Variants in SLC44A2 observed in about 807,000 individuals in gnomAD.
SLC44A2 encodes choline transporter-like protein 2.
A neutral mutation model predicts 90.8 loss-of-function variants in SLC44A2; 57 were observed. The ratio of observed to expected loss-of-function variants is 0.63; its 90% CI spans 0.51 to 0.78. The LOEUF is 0.78. SLC44A2 is among the 30% of genes least tolerant of loss of function. The pLI is 0.00. For synonymous variants in SLC44A2, 355 were observed against 360.7 expected (o/e 0.98, Z 0.18); for missense variants, 794 against 919.7 (o/e 0.86, Z 1.77).
chr19:10,644,467 T>G lies in SLC44A2; in HGVS notation c.*1082T>G, dbSNP rs2067148256. On this transcript the variant is annotated 3_prime_UTR_variant, in exon 22 of 22. Transcript: ENST00000335757. ...AAAGAGGGGGGGGTCTCCCGTTTCC[T>G]GTGCCTGCACCAGCCCTGCCCCCAT... is the stretch of plus-strand genomic sequence containing the variant. 6.5e-6 allele frequency: 1 copy of G among 153,394 alleles called. No individual in the cohort carries two copies. 9.5% of individuals were successfully genotyped at this position (153,394 alleles called of 1,614,324 possible). A position where few individuals can be genotyped will look rare whatever the true frequency, so the allele number is the denominator to read the frequency against.
Position 10,628,005 on chromosome 19 carries a change from G to A in SLC44A2, c.245+1G>A, listed in dbSNP as rs1439734386. On this transcript the variant is annotated splice_donor_variant, in intron 4 of 21. Transcript: ENST00000335757. LOFTEE classifies it high-confidence loss of function. ...GCGGGCAGAAGGGCACAAAAAACGA[G>A]TGAGTTGACTCCTTGCGGCCTGGTG... 2 of 1,612,548 alleles carry A rather than the reference G, an allele frequency of 1.2e-6. No homozygotes were observed. The highest frequency in any genetic ancestry group is 1.7e-6 in the Non-Finnish European group (2 of 1,179,204).
intron 4 of SLC44A2, among the ~76,000 whole-genome samples, chr19:10,628,477 G>A (rs1420320241): frequency 1.3e-5 from 2 of 151,862 alleles, no homozygotes; most frequent in African/African-American, 4.8e-5. Flanking sequence ...AGCTTGAGCT[G>A]GGAGGCCAAG....
At chr19:10,602,665 A>G in intron 1 of SLC44A2, 1 of 1,089,280 alleles carries the variant, frequency 9.2e-7, no homozygotes. Context: ...CTGCGGCTGG[A>G]TGGCCCTCCG....
At chr19:10,633,151 T>G (rs1877781290) in intron 10 of SLC44A2, among the ~76,000 whole-genome samples, 1 of 151,896 alleles carries the variant, frequency 6.6e-6, no homozygotes, top group Non-Finnish European at 1.5e-5. Flanking sequence ...GGATTTTTGT[T>G]GTTTTTGAGT....
In SLC44A2 at chr19:10,635,441, A is replaced by G. The variant is rs1254450587; in HGVS notation, c.1159A>G (p.Thr387Ala). The G allele has an allele frequency of 1.2e-6, 2 of 1,614,006 alleles. No homozygotes were observed. Among genetic ancestry groups the G allele is most frequent in the Admixed American group, 1.7e-5 (1 of 59,968 alleles). The change falls in exon 14 of 22, where the codon ACT becomes GCT. Residue 387 changes from threonine to alanine, a missense_variant. Physicochemically the swap from Thr to Ala is moderately conservative, Grantham distance 58. Transcript: ENST00000335757. ...YWASTAVFLSTSNEAVYKIFD... is the reference protein window; with the variant it reads ...YWASTAVFLSASNEAVYKIFD... ...TTAACGAACCTCCAGCTTCCTGTCC[A>G]CTTCCAACGAAGCGGTCTATAAGAT...
rs759275912 is a variant in SLC44A2 at position 10,635,448 on chromosome 19, A to G, written c.1166A>G (p.Asn389Ser). ...ASTAVFLSTS[N>S]EAVYKIFDDS... ...ACCTCCAGCTTCCTGTCCACTTCCAACGAAGCGGTCTATAAGATCTTTGAT... is the reference window on the plus strand; with the variant it reads ...ACCTCCAGCTTCCTGTCCACTTCCAGCGAAGCGGTCTATAAGATCTTTGAT... Residue 389 changes from asparagine to serine, a missense_variant, in exon 14 of 22, where the codon AAC (asparagine) becomes AGC (serine). Coordinates refer to ENST00000335757, the MANE Select transcript of SLC44A2 (RefSeq NM_020428.4). The G allele has an allele frequency of 2.4e-5, 39 of 1,613,932 alleles. No individual in the cohort carries two copies. Among genetic ancestry groups the G allele is most frequent in the East Asian group, 1.3e-4 (6 of 44,892 alleles).
intron 10 of SLC44A2, among the ~76,000 whole-genome samples, chr19:10,632,682 T>G (rs929827640): frequency 7.9e-5 from 12 of 151,976 alleles, no homozygotes; most frequent in Non-Finnish European, 2.9e-5. Context: ...TCTTTCTTTT[T>G]TTTTTTTGAG....
At chr19:10,621,973 G>A (rs1568446370), upstream of SLC44A2, among the ~76,000 whole-genome samples, 2 of 152,164 alleles carry the variant, frequency 1.3e-5, no homozygotes, top group Non-Finnish European at 2.9e-5. Flanking sequence ...TGTTGCCCAG[G>A]CTGGTCTCGA....
At position 10,632,168 on chromosome 19, in the gene SLC44A2, C is replaced by A. The variant is rs762500761; in HGVS notation, c.823+12C>A. On this transcript the variant is annotated intron_variant, in intron 10 of 21. Transcript: ENST00000335757. ...GGTGCTGGGCTACGGTGCGTCACCC[C>A]CTCCCTGTGGCTTCTCTTTCCTGAA... The A allele has an allele frequency of 1.9e-6, 3 of 1,600,544 alleles. No homozygotes were observed. The highest frequency in any genetic ancestry group is 2.6e-6 in the Non-Finnish European group (3 of 1,167,906).
intron 1 of SLC44A2, among the ~76,000 whole-genome samples, chr19:10,613,876 G>C (rs958249869): frequency 6.6e-6 from 1 of 152,144 alleles, no homozygotes; most frequent in Non-Finnish European, 1.5e-5. Context: ...AAACAGCCCT[G>C]CCTACACATC....
upstream of SLC44A2, among the ~76,000 whole-genome samples, chr19:10,622,061 C>G (rs1307582040): frequency 6.6e-6 from 1 of 152,230 alleles, no homozygotes; most frequent in Non-Finnish European, 1.5e-5. Flanking sequence ...CACGCCTTGC[C>G]AAGGTGATAT....
Position 10,643,322 on chromosome 19 carries a change from C to T in SLC44A2, c.2058C>T (p.Tyr686=). 1 of 1,612,348 alleles carries T rather than the reference C, an allele frequency of 6.2e-7. No homozygotes were observed. The highest frequency in any genetic ancestry group is 1.1e-5 in the South Asian group (1 of 90,732). ...ERNDGSAERP[Y]FMSSTLKKLL... is the part of the protein sequence containing the mutation. Reference sequence around the variant, plus strand: ...ATGACGGCTCGGCCGAGAGGCCTTACTTCATGTCTTCCACCCTCAAGAAAC... The same window carrying T: ...ATGACGGCTCGGCCGAGAGGCCTTATTTCATGTCTTCCACCCTCAAGAAAC... The change falls in exon 22 of 22, where the codon TAC becomes TAT. Residue 686 remains tyrosine (Y), a synonymous_variant. Transcript: ENST00000335757.
At chr19:10,604,483 C>G (rs993774844) in intron 1 of SLC44A2, among the ~76,000 whole-genome samples, 3 of 152,164 alleles carry the variant, frequency 2.0e-5, no homozygotes, top group African/African-American at 7.2e-5. Flanking sequence ...CATGACGTCC[C>G]TGATAGATGA....
Position 10,634,871 on chromosome 19 carries a change from G to A in SLC44A2, c.939G>A (p.Gln313=). 6.2e-7 allele frequency: 1 copy of A among 1,614,196 alleles called. No homozygotes were observed. Among genetic ancestry groups the A allele is most frequent in the Non-Finnish European group, 8.5e-7 (1 of 1,180,036 alleles). ...TDFRVYLHLR[Q]TWLAFMIILS... ...TCCGGGTGTACCTGCACTTACGGCA[G>A]ACCTGGTTGGCCTTTAGTGAGTCAC... The change falls in exon 11 of 22, where the codon CAG becomes CAA. Residue 313 remains glutamine, a synonymous_variant. Transcript: ENST00000335757.
chr19:10,635,758 AT>A (rs2067047801), intron 14 of SLC44A2: 4 of 337,964 alleles, frequency 1.2e-5, no homozygotes, highest in East Asian at 5.1e-5. Context: ...TAAATCACCC[AT>A]TTTTCCCTAC....
chr19:10,632,419 C>T (rs947479901), intron 10 of SLC44A2, among the ~76,000 whole-genome samples: 2 of 151,324 alleles, frequency 1.3e-5, no homozygotes, highest in Admixed American at 6.6e-5. Flanking sequence ...GCCTGTAATC[C>T]CAGCTACTCA....
In SLC44A2 at chr19:10,636,600, C is replaced by T. The variant is rs1409230626; in HGVS notation, c.1496+15C>T. On this transcript the variant is annotated intron_variant, in intron 15 of 21. Transcript: ENST00000335757. ...CGGGCGCTCAGGTGGGCTGGCGTTG[C>T]AGGCAGGATGGGGTGGAGGACGAGG... The T allele has an allele frequency of 6.2e-7, 1 of 1,603,696 alleles. No homozygotes were observed. The highest frequency in any genetic ancestry group is 1.1e-5 in the South Asian group (1 of 90,730).
Position 10,637,705 on chromosome 19 carries a change from G to A in SLC44A2, c.1653G>A (p.Leu551=), listed in dbSNP as rs1006007597. The change falls in exon 17 of 22, where the codon CTG becomes CTA. Residue 551 remains leucine, a synonymous_variant. Coordinates refer to ENST00000335757, the MANE Select transcript of SLC44A2 (RefSeq NM_020428.4). ...GTCTCAAATGCTGCTTCTGGTGCCT[G>A]GAGAAGTTCATCAAATTCCTTAATA... ...MTCLKCCFWC[L]EKFIKFLNRN... 4.3e-6 allele frequency: 7 copies of A among 1,614,068 alleles called. No individual in the cohort carries two copies. The highest frequency in any genetic ancestry group is 5.9e-6 in the Non-Finnish European group (7 of 1,180,010).
At chr19:10,614,941 A>C (rs2066843300) in intron 1 of SLC44A2, among the ~76,000 whole-genome samples, 1 of 147,762 alleles carries the variant, frequency 6.8e-6, no homozygotes, top group African/African-American at 2.5e-5. Flanking sequence ...ACTGCACTCC[A>C]GCCTGGGTGA....
Sources: allele counts gnomAD v4.1 joint callset (sites outside exome capture counted in the v4.1 genomes callset), GRCh38; gene constraint gnomAD v4.1.1; transcripts MANE v1.5; gene names NCBI Gene and HGNC (gene_info 2026-07-23, HGNC 2026-07-21).